Variants in TMTC1 observed in about 807,000 individuals in gnomAD.
The protein encoded by TMTC1 is transmembrane O-mannosyltransferase targeting cadherins 1, also known as protein O-mannosyl-transferase TMTC1.
Under a neutral mutation model 104.8 loss-of-function variants are expected in TMTC1, and 73 were observed. The observed-to-expected ratio is 0.70, with a 90% CI of 0.58 to 0.85. The LOEUF (loss-of-function observed/expected upper bound fraction) is 0.85, where lower values mean the gene tolerates loss of function less well. Among genes scored for constraint, TMTC1 ranks in the 40% least tolerant of loss-of-function variants. The pLI, the probability that TMTC1 is intolerant of heterozygous loss-of-function variation, is 0.00. For missense variants in TMTC1, 1,035 were observed against 1,096.1 expected (o/e 0.94, Z 0.79); for synonymous variants, 434 against 428.7 (o/e 1.01, Z -0.15).
chr12:29,516,272 C>T, intron 15 of TMTC1, 77 bp downstream of exon 15: 1 of 1,509,276 alleles, frequency 6.6e-7, no homozygotes, highest in Non-Finnish European at 8.9e-7. Flanking sequence ...TATAAACACG[C>T]AAACTGGAGA....
chr12:29,688,819 C>T lies in TMTC1; in HGVS notation c.939-55483G>A, dbSNP rs540257978. 2.0e-5 allele frequency among the ~76,000 whole-genome samples: 3 copies of T among 152,204 alleles called. No individual in the cohort carries two copies. In the South Asian group the frequency reaches 6.2e-4, roughly 32 times the overall value. ...TAATAGTTATATTACAACCCAACCC[C>T]CAACCCCCTCCCCTACCTTTTTGTT... is the stretch of plus-strand genomic sequence containing the variant. On this transcript the variant is annotated intron_variant, in intron 5 of 17. Transcript: ENST00000539277.
intron 1 of TMTC1, among the ~76,000 whole-genome samples, chr12:29,782,505 TC>T (rs1478123145): frequency 4.6e-5 from 7 of 152,186 alleles, no homozygotes; most frequent in African/African-American, 1.7e-4. Context: ...CAATATTATT[TC>T]AACAGTTTTG....
intron 7 of TMTC1, among the ~76,000 whole-genome samples, chr12:29,598,386 C>T (rs1250027920): frequency 2.6e-5 from 4 of 152,108 alleles, no homozygotes; most frequent in African/African-American, 4.8e-5. Flanking sequence ...CAATAGCAAT[C>T]GATGTTAGAC....
chr12:29,783,913 G>T lies in TMTC1; in HGVS notation c.-162C>A. 1 of 638,016 alleles carries T rather than the reference G, an allele frequency of 1.6e-6. No individual in the cohort carries two copies. Among genetic ancestry groups the T allele is most frequent in the Non-Finnish European group, 2.0e-6 (1 of 501,766 alleles). 39.5% of individuals were successfully genotyped at this position (638,016 alleles called of 1,614,324 possible). On this transcript the variant is annotated 5_prime_UTR_variant, in exon 1 of 18. Transcript: ENST00000539277. This position sits in a 1 kb window ranked among gnomAD's most constrained non-coding sequence, Gnocchi z 4.7. ...CTCCCCGCGCTCCGCCGCCGCCTGCGCCGCGGAGTTGGCCCAGCTGCAAAT... is the reference window on the plus strand; with the variant it reads ...CTCCCCGCGCTCCGCCGCCGCCTGCTCCGCGGAGTTGGCCCAGCTGCAAAT...
intron 6 of TMTC1, among the ~76,000 whole-genome samples, chr12:29,610,387 G>T (rs1375608257): frequency 1.3e-5 from 2 of 152,146 alleles, no homozygotes; most frequent in African/African-American, 4.8e-5. Flanking sequence ...ACATCAATCT[G>T]AGAGAGCTCT....
chr12:29,586,155 A>G (rs1041984950), intron 7 of TMTC1, among the ~76,000 whole-genome samples: 19 of 152,142 alleles, frequency 1.2e-4, no homozygotes, highest in African/African-American at 4.1e-4. Flanking sequence ...GGTCCTTCAC[A>G]TCCCTTGTAA....
At chr12:29,674,024 G>A (rs987240561) in intron 5 of TMTC1, among the ~76,000 whole-genome samples, 4 of 151,920 alleles carry the variant, frequency 2.6e-5, no homozygotes, top group Admixed American at 6.6e-5. Context: ...CTCCCAAAGT[G>A]CTGGGATTAC....
chr12:29,691,720 G>GAAAA (rs34338128), intron 5 of TMTC1, among the ~76,000 whole-genome samples: 7 of 109,456 alleles, frequency 6.4e-5, no homozygotes, highest in South Asian at 2.9e-4. Flanking sequence ...CCAAAAGTAG[G>GAAAA]AAAAAAAAAA....
chr12:29,535,040 T>C (rs1169879481), intron 11 of TMTC1: 1 of 152,200 alleles, frequency 6.6e-6, no homozygotes, highest in African/African-American at 2.4e-5. Context: ...GAACAGTTAG[T>C]GCAAAGGCTG....
chr12:29,570,870 A>C lies in TMTC1; in HGVS notation c.1532+1235T>G, dbSNP rs554547823. ...CAAAACAAAACAAAACAAAACAAAA[A>C]AAACAGAAACACCCCCCCCCCCCGC... On this transcript the variant is annotated intron_variant, in intron 9 of 17. Coordinates refer to ENST00000539277, the MANE Select transcript of TMTC1 (RefSeq NM_001193451.2). Among the ~76,000 whole-genome samples the C allele has an allele frequency of 5.6e-5, 4 of 71,674 alleles. No individual in the cohort carries two copies. In the South Asian group the frequency reaches 2.1e-3, roughly 38 times the overall value. The allele number at this position is 71,674 out of a possible 152,430, so 47.0% of individuals were successfully genotyped here. A position where few individuals can be genotyped will look rare whatever the true frequency, so the allele number is the denominator to read the frequency against.
intron 5 of TMTC1, among the ~76,000 whole-genome samples, chr12:29,656,829 T>C (rs1347946495): frequency 2.0e-5 from 3 of 152,148 alleles, no homozygotes; most frequent in South Asian, 2.1e-4. Flanking sequence ...AAGGTACTAA[T>C]TTTGCCACAG....
rs1274640289 is a variant in TMTC1 at position 29,758,718 on chromosome 12, A to G, written c.540T>C (p.Phe180=). 1.2e-6 allele frequency: 2 copies of G among 1,613,758 alleles called. No individual in the cohort carries two copies. Among genetic ancestry groups the G allele is most frequent in the Non-Finnish European group, 1.7e-6 (2 of 1,179,846 alleles). The change falls in exon 3 of 18, where the codon TTT becomes TTC. Residue 180 remains phenylalanine, a synonymous_variant. Coordinates refer to ENST00000539277, the MANE Select transcript of TMTC1 (RefSeq NM_001193451.2). ...GCTACACATACCTGTTGTACGAGAG[A>G]AAGGCCAATAGAAACAGCAGACACG... ...VLACLLFLLA[F]LSYNRSLDQG... is the part of the protein sequence containing the mutation.
chr12:29,644,131 GTGTGTGTGTGTGTGTGTGTATATATA>G (rs1939150511), intron 5 of TMTC1, among the ~76,000 whole-genome samples: 2 of 99,502 alleles, frequency 2.0e-5, no homozygotes, highest in Non-Finnish European at 4.0e-5. Flanking sequence ...GTGTGTGTGT[GTGTGTGTGTGTGTGTGTGTATATATA>G]TATATAATGA....
At chr12:29,631,438 G>T (rs10771556) in intron 6 of TMTC1, among the ~76,000 whole-genome samples, 102,540 of 152,040 alleles carry the variant, frequency 0.67, 34,894 homozygotes, top group East Asian at 0.8. Flanking sequence ...TAAGGTAAGG[G>T]TTAAGATTCA....
intron 6 of TMTC1, among the ~76,000 whole-genome samples, chr12:29,628,241 TGGA>T (rs1938106658): frequency 6.6e-6 from 1 of 152,162 alleles, no homozygotes; most frequent in African/African-American, 2.4e-5. Flanking sequence ...TGGATGGTGG[TGGA>T]GTTTTTCTGC....
intron 10 of TMTC1, among the ~76,000 whole-genome samples, chr12:29,536,600 A>C (rs1944652072): frequency 6.6e-6 from 1 of 152,134 alleles, no homozygotes; most frequent in Non-Finnish European, 1.5e-5. Flanking sequence ...AGTTATATTC[A>C]ATATTTTGCA....
intron 5 of TMTC1, among the ~76,000 whole-genome samples, chr12:29,661,119 A>T (rs1335212311): frequency 1.3e-5 from 2 of 152,134 alleles, no homozygotes; most frequent in Non-Finnish European, 2.9e-5. Flanking sequence ...CTCACTTATA[A>T]AAGGGAGACA....
At position 29,586,775 on chromosome 12, in the gene TMTC1, G is replaced by A. The variant is rs893716316; in HGVS notation, c.1251-3201C>T. 8.8e-5 allele frequency among the ~76,000 whole-genome samples: 13 copies of A among 147,586 alleles called. 1 individual carries two copies. Among genetic ancestry groups the A allele is most frequent in the African/African-American group, 3.4e-4 (13 of 38,340 alleles). ...AATGTTAAACCAGCCTTGCATCCCA[G>A]GAATGAAGCCCACTTGATCATGGTG... On this transcript the variant is annotated intron_variant, in intron 7 of 17. Transcript: ENST00000539277.
rs200488585 is a variant in TMTC1 at position 29,783,493 on chromosome 12, T to C, written c.259A>G (p.Thr87Ala). The change falls in exon 1 of 18, where the codon ACC becomes GCC. Residue 87 changes from threonine to alanine, a missense_variant. Coordinates refer to ENST00000539277, the MANE Select transcript of TMTC1 (RefSeq NM_001193451.2). The surrounding 1 kb of genome is among the most constrained non-coding windows in gnomAD (Gnocchi z 4.7). ...DFWGKGMAEN[T>A]SHKSYRPLCV... ...AGCGGCCGGTAGGACTTGTGGCTGG[T>C]GTTCTCGGCCATGCCCTTGCCCCAG... The C allele has an allele frequency of 2.2e-6, 3 of 1,386,386 alleles. No individual in the cohort carries two copies. Among genetic ancestry groups the C allele is most frequent in the Non-Finnish European group, 9.4e-7 (1 of 1,065,760 alleles). The allele number at this position is 1,386,386 out of a possible 1,614,324, so 85.9% of individuals were successfully genotyped here.
Sources: allele counts gnomAD v4.1 joint callset (sites outside exome capture counted in the v4.1 genomes callset), GRCh38; gene constraint gnomAD v4.1.1; non-coding constraint Gnocchi (gnomAD v3.1); transcripts MANE v1.5; gene names NCBI Gene and HGNC (gene_info 2026-07-23, HGNC 2026-07-21).